HDAC9: variants seen among roughly 807,000 people sequenced by gnomAD.
HDAC9 encodes the protein MEF-2 interacting transcription repressor (MITR) protein.
A neutral mutation model predicts 139.4 loss-of-function variants in HDAC9; 41 were observed. The observed-to-expected ratio is 0.29, with a 90% CI of 0.23 to 0.38. HDAC9 has a LOEUF of 0.38. Ranked by LOEUF, HDAC9 falls within the 10% of genes least tolerant of loss-of-function variation. The pLI is 1.00. For missense variants in HDAC9, 1,147 were observed against 1,297.0 expected (o/e 0.88, Z 1.78); for synonymous variants, 517 against 476.2 (o/e 1.09, Z -1.12).
chr7:18,936,058 T>TGG, intron 23 of HDAC9, 116 bp downstream of exon 23: 1 of 969,644 alleles, frequency 1.0e-6, no homozygotes, highest in Non-Finnish European at 1.5e-6. Flanking sequence ...GCTCTTACCA[T>TGG]TAAGAAAGAA....
chr7:18,585,488 G>A lies in HDAC9; in HGVS notation c.230G>A (p.Arg77Gln), dbSNP rs868420028. The change falls in exon 3 of 26, where the codon CGG (arginine) becomes CAG (glutamine). Residue 77 changes from arginine to glutamine, a missense_variant. Coordinates refer to ENST00000686413, the MANE Select transcript of HDAC9 (RefSeq NM_178425.4). ...CAGAAACAGCATGAGAACTTGACAC[G>A]GCAGCACCAGGCTCAGCTTCAGGAG... is the stretch of plus-strand genomic sequence containing the variant. ...EFQKQHENLT[R>Q]QHQAQLQEHI... The A allele has an allele frequency of 3.7e-6, 6 of 1,613,636 alleles. No homozygotes were observed. The highest frequency in any genetic ancestry group is 3.4e-6 in the Non-Finnish European group (4 of 1,179,778).
intron 12 of HDAC9, among the ~76,000 whole-genome samples, chr7:18,676,601 G>C (rs920943105): frequency 6.6e-6 from 1 of 151,740 alleles, no homozygotes; most frequent in Non-Finnish European, 1.5e-5. Context: ...TTGAATTATA[G>C]CACATTTAAT....
intron 1 of HDAC9, among the ~76,000 whole-genome samples, chr7:18,317,178 C>G (rs1314669612): frequency 6.6e-6 from 1 of 150,454 alleles, no homozygotes; most frequent in East Asian, 1.9e-4. Context: ...GCCTGGGTGA[C>G]AGAGTGAGAC....
At chr7:18,960,395 T>C (rs917365195) in intron 24 of HDAC9, among the ~76,000 whole-genome samples, 5 of 152,134 alleles carry the variant, frequency 3.3e-5, no homozygotes, top group African/African-American at 9.6e-5. Flanking sequence ...ATGTTATTGT[T>C]ATTCTTTACT....
intron 12 of HDAC9, among the ~76,000 whole-genome samples, chr7:18,700,206 A>T (rs559217369): frequency 6.6e-5 from 10 of 152,330 alleles, no homozygotes; most frequent in African/African-American, 2.4e-4. Flanking sequence ...TGTTTCCTCT[A>T]CTTCAACAAT....
chr7:18,482,551 A>T (rs964621265), intron 1 of HDAC9, among the ~76,000 whole-genome samples: 1 of 152,212 alleles, frequency 6.6e-6, no homozygotes, highest in South Asian at 2.1e-4. Flanking sequence ...AGAGTTATCA[A>T]ATCTTACAAA....
chr7:18,422,274 A>G (rs1379914575), intron 1 of HDAC9, among the ~76,000 whole-genome samples: 1 of 152,132 alleles, frequency 6.6e-6, no homozygotes, highest in African/African-American at 2.4e-5. Flanking sequence ...TGCTTCATTT[A>G]ATCCTATTCT....
At chr7:18,439,273 A>G (rs1401109469) in intron 1 of HDAC9, among the ~76,000 whole-genome samples, 1 of 151,886 alleles carries the variant, frequency 6.6e-6, no homozygotes, top group Non-Finnish European at 1.5e-5. Context: ...TTTTTTCTTC[A>G]TCTCTTTTCT....
chr7:18,824,093 G>GAAGAAGAAGAAGAAGAAGAAC (rs869114650), intron 17 of HDAC9, among the ~76,000 whole-genome samples: 48 of 150,702 alleles, frequency 3.2e-4, no homozygotes, highest in East Asian at 1.6e-3. Context: ...AGAAGAACAA[G>GAAGAAGAAGAAGAAGAAGAAC]AACAAGAAGG....
chr7:18,432,596 C>G (rs1790780187), intron 1 of HDAC9, among the ~76,000 whole-genome samples: 1 of 152,178 alleles, frequency 6.6e-6, no homozygotes. Flanking sequence ...GGGAATAGTG[C>G]TACTGTCTAC....
intron 1 of HDAC9, among the ~76,000 whole-genome samples, chr7:18,324,080 A>G (rs921098921): frequency 3.3e-5 from 5 of 151,996 alleles, no homozygotes; most frequent in Admixed American, 3.3e-4. Flanking sequence ...TCCAAATACA[A>G]TCACACTGGG....
intron 1 of HDAC9, among the ~76,000 whole-genome samples, chr7:18,117,972 G>T (rs1318258402): frequency 6.6e-6 from 1 of 151,986 alleles, no homozygotes; most frequent in Non-Finnish European, 1.5e-5. Context: ...TAGACAACTG[G>T]GCTCTGTTTC....
In HDAC9 at chr7:18,273,056, G is replaced by GTTTT. The variant is rs746089054; in HGVS notation, c.25+110731_25+110734dup. ...CCTCTTCCCCTTCTTCCCCTTCTTC[G>GTTTT]TTTTTTTTTTTTTTTTTTTTTTTTT... On this transcript the variant is annotated intron_variant, in intron 2 of 12. Transcript: ENST00000417496. Among the ~76,000 whole-genome samples the GTTTT allele has an allele frequency of 2.1e-3, 178 of 84,768 alleles. 22 individuals carry two copies. The highest frequency in any genetic ancestry group is 3.1e-3 in the Non-Finnish European group (146 of 46,420). The allele number at this position is 84,768 out of a possible 152,430, so 55.6% of individuals were successfully genotyped here.
At chr7:18,103,904 A>C (rs758662682) in intron 1 of HDAC9, among the ~76,000 whole-genome samples, 1 of 152,208 alleles carries the variant, frequency 6.6e-6, no homozygotes, top group Non-Finnish European at 1.5e-5. Flanking sequence ...ACTTACACCA[A>C]TTCATGGTCT....
chr7:18,736,499 G>C (rs746167505), intron 13 of HDAC9, among the ~76,000 whole-genome samples: 12 of 152,140 alleles, frequency 7.9e-5, no homozygotes, highest in Non-Finnish European at 1.5e-4. Flanking sequence ...TAATGATGTG[G>C]TTTTGTTGTT....
intron 2 of HDAC9, among the ~76,000 whole-genome samples, chr7:18,168,396 A>G (rs1393921507): frequency 6.6e-6 from 1 of 152,196 alleles, no homozygotes; most frequent in East Asian, 1.9e-4. Context: ...CACTACTATA[A>G]AACAATGCTA....
chr7:18,850,347 G>A (rs2129223189), intron 21 of HDAC9, among the ~76,000 whole-genome samples: 1 of 152,238 alleles, frequency 6.6e-6, no homozygotes, highest in East Asian at 1.9e-4. Context: ...TATTTATGAG[G>A]CACAGACCCT....
chr7:18,989,194 G>A (rs551560194), intron 25 of HDAC9, among the ~76,000 whole-genome samples: 1 of 148,498 alleles, frequency 6.7e-6, no homozygotes, highest in South Asian at 2.2e-4. Flanking sequence ...TTTTGCAGTG[G>A]CTGGTACCGG....
chr7:18,797,912 A>G (rs2129182058), intron 17 of HDAC9, among the ~76,000 whole-genome samples: 1 of 152,108 alleles, frequency 6.6e-6, no homozygotes, highest in South Asian at 2.1e-4. Context: ...TATCGAATAT[A>G]TTCTTCTTCA....
Sources: gnomAD v4.1 joint callset for allele counts (sites outside exome capture counted in the v4.1 genomes callset) on GRCh38, gnomAD v4.1.1 for gene constraint, MANE v1.5 for transcripts, NCBI Gene and HGNC (gene_info 2026-07-23, HGNC 2026-07-21) for gene names.